Variants in TACC3 observed in about 807,000 individuals in gnomAD.
TACC3 encodes the protein transforming acidic coiled-coil containing protein 3.
In TACC3, 52 loss-of-function variants were observed where a neutral mutation model predicts 86.0. The observed-to-expected ratio is 0.60, with a 90% CI of 0.48 to 0.76. TACC3 has a LOEUF of 0.76. Among genes scored for constraint, TACC3 ranks in the 30% least tolerant of loss-of-function variants. TACC3 has a pLI of 0.00. For missense variants in TACC3, 1,120 were observed against 1,070.4 expected, an observed-to-expected ratio of 1.05 and a Z score of -0.65; for synonymous variants, 512 against 430.0, an observed-to-expected ratio of 1.19 and a Z score of -2.36.
rs770804478 is a variant in TACC3 at position 1,728,088 on chromosome 4, C to A, written c.686C>A (p.Pro229Gln). 3.1e-6 allele frequency: 5 copies of A among 1,601,496 alleles called. No individual in the cohort carries two copies. Among genetic ancestry groups the A allele is most frequent in the Non-Finnish European group, 4.3e-6 (5 of 1,175,766 alleles). Residue 229 changes from proline (P) to glutamine (Q), a missense_variant, in exon 4 of 16, where the codon CCG becomes CAG. Transcript: ENST00000313288. Reference sequence around the variant, plus strand: ...GAGGAAGAATGCAAAGCGGAGACTCCGCACGGAGCCGAGGAGGAATGCCGG... The same window carrying A: ...GAGGAAGAATGCAAAGCGGAGACTCAGCACGGAGCCGAGGAGGAATGCCGG... ...GAEEECKAET[P>Q]HGAEEECRHG...
At chr4:1,740,522 G>T in intron 12 of TACC3, 1 of 345,408 alleles carries the variant, frequency 2.9e-6, no homozygotes, top group Non-Finnish European at 5.3e-6. Context: ...ACATCCTGGA[G>T]CTCGCCATAC....
rs1348583193 is a variant in TACC3, at chr4:1,744,968, G to A, written c.2472G>A (p.Leu824=). The A allele has an allele frequency of 6.2e-7, 1 of 1,611,820 alleles. No individual in the cohort carries two copies. The highest frequency in any genetic ancestry group is 8.5e-7 in the Non-Finnish European group (1 of 1,179,484). Residue 824 remains leucine, a synonymous_variant, in exon 16 of 16, where the codon CTG becomes CTA. Transcript: ENST00000313288. The part of the protein sequence containing the change: ...VEQKTKENEE[L]TRICDDLISK... ...TCCAGACTAAAGAGAACGAGGAGCT[G>A]ACCAGGATCTGCGACGACCTCATCT...
intron 13 of TACC3, chr4:1,741,532 C>A (rs1275707805): frequency 5.9e-5 from 9 of 152,562 alleles, no homozygotes; most frequent in African/African-American, 2.2e-4. Context: ...CTGCCCAGAG[C>A]AGGCCTGGAA....
chr4:1,733,108 G>T (rs1463784345), intron 6 of TACC3, among the ~76,000 whole-genome samples: 1 of 152,092 alleles, frequency 6.6e-6, no homozygotes, highest in Non-Finnish European at 1.5e-5. Flanking sequence ...CTGTCTTGTT[G>T]ATCCTAGACT....
At chr4:1,740,043 G>A (rs759617852) in intron 12 of TACC3, 41 bp downstream of exon 12, 31 of 1,607,946 alleles carry the variant, frequency 1.9e-5, no homozygotes, top group Non-Finnish European at 2.5e-5. Context: ...CTCCACGAGG[G>A]GCTGCCTATG....
In TACC3 at chr4:1,727,849, G is replaced by A. The variant is rs376077883; in HGVS notation, c.447G>A (p.Leu149=). The change falls in exon 4 of 16, where the codon CTG becomes CTA. Residue 149 remains leucine, a synonymous_variant. Coordinates refer to ENST00000313288, the MANE Select transcript of TACC3 (RefSeq NM_006342.3). ...CCAGCGAGTCTGGCCCAGGTGCCCTGGCTGACCTGGACTGCTCAAGCTCTT... is the reference window on the plus strand; with the variant it reads ...CCAGCGAGTCTGGCCCAGGTGCCCTAGCTGACCTGGACTGCTCAAGCTCTT... ...GSSSESGPGA[L]ADLDCSSSSQ... is the part of the protein sequence containing the mutation. 8 of 1,613,280 alleles carry A rather than the reference G, an allele frequency of 5.0e-6. No homozygotes were observed. The highest frequency in any genetic ancestry group is 4.0e-5 in the African/African-American group (3 of 74,934).
At chr4:1,740,694 C>G (rs1718550152) in intron 12 of TACC3, 132 bp from the exon 13 acceptor site, 1 of 756,078 alleles carries the variant, frequency 1.3e-6, no homozygotes, top group Non-Finnish European at 2.2e-6. Flanking sequence ...ACCCATCACC[C>G]TCCGAGGCTC....
At chr4:1,720,742 C>A, upstream of TACC3, 1 of 1,576,074 alleles carries the variant, frequency 6.3e-7, no homozygotes, top group South Asian at 1.2e-5. This position sits in a 1 kb window ranked among gnomAD's most constrained non-coding sequence, Gnocchi z 4.4. Flanking sequence ...GGTTCTGCAC[C>A]GTGAGCCCCG....
In TACC3 at chr4:1,745,122, C is replaced by A. The variant is rs2108726437; in HGVS notation, c.*109C>A. 8.7e-7 allele frequency: 1 copy of A among 1,155,594 alleles called. No homozygotes were observed. The highest frequency in any genetic ancestry group is 1.2e-6 in the Non-Finnish European group (1 of 817,204). The allele number at this position is 1,155,594 out of a possible 1,614,324, so 71.6% of individuals were successfully genotyped here. ...GTCTTGTCTTCAACTTTTTTAAAAA[C>A]TAGATTGCTTTGAAAACATGACTCA... On this transcript the variant is annotated 3_prime_UTR_variant, in exon 16 of 16. Transcript: ENST00000313288.
chr4:1,740,069 G>A lies in TACC3; in HGVS notation c.2062+67G>A, dbSNP rs575092666. ...GCTGCCTATGCCCCACCCTGGCCCTGCCCTGCACCCTGCCTAGGACCCCAC... is the reference window on the plus strand; with the variant it reads ...GCTGCCTATGCCCCACCCTGGCCCTACCCTGCACCCTGCCTAGGACCCCAC... On this transcript the variant is annotated intron_variant, in intron 12 of 15. Transcript: ENST00000313288. The A allele has an allele frequency of 1.9e-6, 3 of 1,550,724 alleles. No homozygotes were observed. In the African/African-American group the frequency reaches 4.1e-5, roughly 21 times the overall value.
rs1015484183 is a variant in TACC3 at position 1,735,503 on chromosome 4, C to T, written c.1644+178C>T. On this transcript the variant is annotated intron_variant, in intron 7 of 15. Coordinates refer to ENST00000313288, the MANE Select transcript of TACC3 (RefSeq NM_006342.3). The surrounding 1 kb of genome is among the most constrained non-coding windows in gnomAD (Gnocchi z 4.2). ...CTGCAGCACCTCCTCTAAGTGGTGT[C>T]CTGTGGCAGGGCTCTAGGGCTCTCT... 1.7e-4 allele frequency among the ~76,000 whole-genome samples: 26 copies of T among 152,252 alleles called. No homozygotes were observed. Among genetic ancestry groups the T allele is most frequent in the Non-Finnish European group, 3.4e-4 (23 of 67,994 alleles).
At position 1,737,255 on chromosome 4, in the gene TACC3, A is replaced by T; in HGVS notation, c.1763A>T (p.Asn588Ile). The T allele has an allele frequency of 6.2e-7, 1 of 1,614,088 alleles. No homozygotes were observed. The highest frequency in any genetic ancestry group is 8.5e-7 in the Non-Finnish European group (1 of 1,180,028). ...ATETSSMHGA[N>I]ETPSGRPREA... ...CTTGGTGGCAGCATGCACGGTGCAA[A>T]TGAGACTCCCTCAGGACGTCCGCGG... Residue 588 changes from asparagine to isoleucine, a missense_variant, in exon 9 of 16, where the codon AAT becomes ATT. Physicochemically the swap from Asn to Ile is moderately radical, Grantham distance 149. Coordinates refer to ENST00000313288, the MANE Select transcript of TACC3 (RefSeq NM_006342.3).
intron 10 of TACC3, chr4:1,738,288 C>T (rs780934583): frequency 7.1e-5 from 16 of 226,176 alleles, no homozygotes; most frequent in East Asian, 2.4e-4. Flanking sequence ...AGGGTGGTTC[C>T]GGAGGCCGGC....
chr4:1,723,992 GGAGTCTC>G (rs1717555888), intron 3 of TACC3, 122 bp downstream of exon 3: 1 of 1,144,132 alleles, frequency 8.7e-7, no homozygotes, highest in African/African-American at 1.5e-5. Context: ...TGTTTGAGAT[GGAGTCTC>G]GCTCTGTTGC....
rs201394779 is a variant in TACC3, at chr4:1,723,724, A to G, written c.163-4A>G. On this transcript the variant is annotated splice_region_variant and splice_polypyrimidine_tract_variant and intron_variant, in intron 2 of 15. Coordinates refer to ENST00000313288, the MANE Select transcript of TACC3 (RefSeq NM_006342.3). ...TAGGTGCTCTCCTCCTCACTCCGCAACAGGTGACTTTTCAGACACCTCTGC... is the reference window on the plus strand; with the variant it reads ...TAGGTGCTCTCCTCCTCACTCCGCAGCAGGTGACTTTTCAGACACCTCTGC... 120 of 1,613,670 alleles carry G rather than the reference A, an allele frequency of 7.4e-5. No individual in the cohort carries two copies. In the East Asian group the frequency reaches 2.3e-3, roughly 31 times the overall value.
chr4:1,727,763 C>T lies in TACC3; in HGVS notation c.361C>T (p.Pro121Ser), dbSNP rs753631994. The change falls in exon 4 of 16, where the codon CCA becomes TCA. Residue 121 changes from proline to serine, a missense_variant. Coordinates refer to ENST00000313288, the MANE Select transcript of TACC3 (RefSeq NM_006342.3). Reference sequence around the variant, plus strand: ...AACTACTCATGGAATTCTACAGAAACCAGTGGAGGCTGACACCGACCTCCT... The same window carrying T: ...AACTACTCATGGAATTCTACAGAAATCAGTGGAGGCTGACACCGACCTCCT... ...AKTTHGILQK[P>S]VEADTDLLGD... 2.5e-6 allele frequency: 4 copies of T among 1,609,830 alleles called. No individual in the cohort carries two copies. In the East Asian group the frequency reaches 6.7e-5, roughly 27 times the overall value.
At position 1,737,233 on chromosome 4, in the gene TACC3, G is replaced by A. The variant is rs368533409; in HGVS notation, c.1749-8G>A. 27 of 1,612,846 alleles carry A rather than the reference G, an allele frequency of 1.7e-5. No individual in the cohort carries two copies. The highest frequency in any genetic ancestry group is 2.2e-5 in the Non-Finnish European group (26 of 1,179,170). On this transcript the variant is annotated splice_region_variant and splice_polypyrimidine_tract_variant and intron_variant, in intron 8 of 15. Coordinates refer to ENST00000313288, the MANE Select transcript of TACC3 (RefSeq NM_006342.3). ...CTAGTGACTGAGGCTGCCTCTGCTT[G>A]GTGGCAGCATGCACGGTGCAAATGA... is the stretch of plus-strand genomic sequence containing the variant.
At position 1,728,056 on chromosome 4, in the gene TACC3, C is replaced by T. The variant is rs766758472; in HGVS notation, c.654C>T (p.His218=). 54 of 1,542,400 alleles carry T rather than the reference C, an allele frequency of 3.5e-5. No homozygotes were observed. The highest frequency in any genetic ancestry group is 6.3e-5 in the South Asian group (5 of 79,056). The change falls in exon 4 of 16, where the codon CAC becomes CAT. Residue 218 remains histidine (H), a synonymous_variant. Transcript: ENST00000313288. ...CCCAGCACAAAGCGGAGACTCCGCA[C>T]GGAGCCGAGGAAGAATGCAAAGCGG... The part of the protein sequence containing the change: ...TESQHKAETP[H]GAEEECKAET...
At chr4:1,737,992 T>C in intron 10 of TACC3, 1 of 497,626 alleles carries the variant, frequency 2.0e-6, no homozygotes, top group Non-Finnish European at 3.9e-6. Flanking sequence ...CAGCAGTGAG[T>C]GTGGTTCTTG....
Sources: gnomAD v4.1 joint callset for allele counts (sites outside exome capture counted in the v4.1 genomes callset) on GRCh38, gnomAD v4.1.1 for gene constraint, Gnocchi (gnomAD v3.1) non-coding constraint, MANE v1.5 for transcripts, NCBI Gene and HGNC (gene_info 2026-07-23, HGNC 2026-07-21) for gene names.